The following TANGO6 variants were observed in gnomAD, a reference collection of about 807,000 sequenced individuals.
TANGO6 encodes the protein transport and Golgi organization protein 6 homolog.
In TANGO6, 90 loss-of-function variants were observed where a neutral mutation model predicts 114.2. That is an observed-to-expected ratio of 0.79 (90% confidence interval 0.66 to 0.94). TANGO6 has a LOEUF of 0.94. Among genes scored for constraint, TANGO6 ranks in the 40% least tolerant of loss-of-function variants. The pLI is 0.00. For synonymous variants in TANGO6, 477 were observed against 509.8 expected, an observed-to-expected ratio of 0.94 and a Z score of 0.87; for missense variants, 1,274 against 1,315.3, an observed-to-expected ratio of 0.97 and a Z score of 0.49.
At chr16:68,904,508 T>C (rs1962824227) in intron 9 of TANGO6, among the ~76,000 whole-genome samples, 1 of 152,200 alleles carries the variant, frequency 6.6e-6, no homozygotes, top group Non-Finnish European at 1.5e-5. Context: ...GTCCATGTTC[T>C]TAGTGAACTG....
intron 17 of TANGO6, among the ~76,000 whole-genome samples, chr16:69,065,177 TTGCCACCGCTGCTCC>T: frequency 6.6e-6 from 1 of 152,318 alleles, no homozygotes; most frequent in East Asian, 1.9e-4. Context: ...CTGAAACATT[TTGCCACCGCTGCTCC>T]TGCCACCACA....
At chr16:68,905,566 TAC>T (rs1375829052) in intron 9 of TANGO6, among the ~76,000 whole-genome samples, 1 of 150,722 alleles carries the variant, frequency 6.6e-6, no homozygotes, top group Non-Finnish European at 1.5e-5. Flanking sequence ...AAATAGTAAG[TAC>T]ACACACAGGT....
chr16:68,867,268 G>A (rs1962193531), intron 4 of TANGO6, 48 bp downstream of exon 4: 2 of 1,610,764 alleles, frequency 1.2e-6, no homozygotes, highest in African/African-American at 2.7e-5. Context: ...TTTCCTTTGA[G>A]TCAGAGTCTG....
intron 12 of TANGO6, among the ~76,000 whole-genome samples, chr16:68,926,614 G>A (rs1963170840): frequency 3.3e-5 from 5 of 151,508 alleles, no homozygotes; most frequent in Non-Finnish European, 7.4e-5. Context: ...TGCAACCTCT[G>A]CCTCCCGGGT....
chr16:68,919,054 TCA>T (rs1397920970), intron 11 of TANGO6, 29 bp from the exon 12 acceptor site: 1 of 1,594,798 alleles, frequency 6.3e-7, no homozygotes, highest in Non-Finnish European at 8.6e-7. Flanking sequence ...TTTTCATTCC[TCA>T]TTGATTCTCA....
intron 17 of TANGO6, among the ~76,000 whole-genome samples, chr16:69,070,166 C>T (rs1364524541): frequency 6.6e-6 from 1 of 151,420 alleles, no homozygotes; most frequent in African/African-American, 2.4e-5. Flanking sequence ...CGAGATCGTG[C>T]CACTGCACTC....
rs555356206 is a variant in TANGO6 at position 68,856,378 on chromosome 16, A to G, written c.95-3506A>G. Among the ~76,000 whole-genome samples, 81 of 152,262 alleles carry G rather than the reference A, an allele frequency of 5.3e-4. 1 individual carries two copies. The highest frequency in any genetic ancestry group is 1.9e-3 in the African/African-American group (79 of 41,472). ...GGGTTTTCTCCTTATACTGTTAATA[A>G]GATGAATCACACTGATTGAGTGTCA... On this transcript the variant is annotated intron_variant, in intron 1 of 17. Transcript: ENST00000261778.
chr16:68,900,694 C>A, intron 8 of TANGO6, 148 bp downstream of exon 8: 1 of 712,348 alleles, frequency 1.4e-6, no homozygotes, highest in Non-Finnish European at 2.3e-6. Flanking sequence ...TCCTATTTTG[C>A]TCATCTAGAA....
At chr16:69,046,890 T>C (rs1308403997) in intron 17 of TANGO6, among the ~76,000 whole-genome samples, 1 of 151,966 alleles carries the variant, frequency 6.6e-6, no homozygotes, top group Admixed American at 6.6e-5. Flanking sequence ...ATATGAGTGA[T>C]TTTAGGCCAG....
chr16:68,976,544 A>G lies in TANGO6; in HGVS notation c.2842+2376A>G, dbSNP rs537312942. On this transcript the variant is annotated intron_variant, in intron 15 of 17. Transcript: ENST00000261778. ...CCATAAGCCAGCAAGTACACTTTGA[A>G]TATTTTTATACTGGGCTATATAACA... is the stretch of plus-strand genomic sequence containing the variant. 2.0e-5 allele frequency among the ~76,000 whole-genome samples: 3 copies of G among 152,334 alleles called. No homozygotes were observed. In the East Asian group the frequency reaches 5.8e-4, roughly 29 times the overall value.
chr16:69,016,188 G>A (rs1299317450), intron 15 of TANGO6, among the ~76,000 whole-genome samples: 1 of 152,168 alleles, frequency 6.6e-6, no homozygotes, highest in Non-Finnish European at 1.5e-5. Context: ...ATTGTCCTCA[G>A]TACTGAGAAC....
At chr16:69,023,963 A>G (rs1408734804) in intron 16 of TANGO6, among the ~76,000 whole-genome samples, 2 of 152,118 alleles carry the variant, frequency 1.3e-5, no homozygotes, top group Non-Finnish European at 2.9e-5. Flanking sequence ...GCTGGAGTGC[A>G]GTGGCGCAAT....
chr16:68,933,731 G>A (rs1159100391), intron 14 of TANGO6: 1 of 152,214 alleles, frequency 6.6e-6, no homozygotes, highest in Non-Finnish European at 1.5e-5. Flanking sequence ...GTTGGCTAAA[G>A]CAAGTCATGA....
In TANGO6 at chr16:68,919,257, A is replaced by G. The variant is rs756461741; in HGVS notation, c.2127+38A>G. 6 of 1,602,888 alleles carry G rather than the reference A, an allele frequency of 3.7e-6. No individual in the cohort carries two copies. The Admixed American group carries it at 8.6e-5, about 23-fold the overall frequency. ...CATGAGGCAAGCTTGAATGGAGGGA[A>G]GGGAGAAGCGAAATACCAGTTGTTT... On this transcript the variant is annotated intron_variant, in intron 12 of 17. Transcript: ENST00000261778.
chr16:69,051,975 G>A (rs1270574310), intron 17 of TANGO6, among the ~76,000 whole-genome samples: 1 of 111,378 alleles, frequency 9.0e-6, no homozygotes, highest in Non-Finnish European at 1.7e-5. Flanking sequence ...ACACAGTCTT[G>A]CTCTGTCGAC....
chr16:69,020,900 A>ATGTGTGTGTGTGTGTG (rs764050755), intron 15 of TANGO6, among the ~76,000 whole-genome samples: 8 of 126,406 alleles, frequency 6.3e-5, no homozygotes, highest in African/African-American at 2.9e-4. Flanking sequence ...TTATATATGT[A>ATGTGTGTGTGTGTGTG]TGTATGTGTG....
intron 5 of TANGO6, among the ~76,000 whole-genome samples, chr16:68,877,311 T>TA (rs1260310703): frequency 2.6e-5 from 4 of 151,570 alleles, no homozygotes; most frequent in Non-Finnish European, 4.4e-5. Context: ...CTACTAAAAA[T>TA]ACAAAAATTA....
chr16:69,023,732 T>G (rs1471383271), intron 16 of TANGO6, among the ~76,000 whole-genome samples: 2 of 151,990 alleles, frequency 1.3e-5, no homozygotes, highest in Non-Finnish European at 2.9e-5. Context: ...GGGGATGGTG[T>G]TGTTTACCAA....
intron 14 of TANGO6, among the ~76,000 whole-genome samples, chr16:68,968,457 C>G (rs893029432): frequency 6.6e-6 from 1 of 151,418 alleles, no homozygotes; most frequent in African/African-American, 2.4e-5. Flanking sequence ...CTCCACCTCC[C>G]GGGTTCAAGT....
Sources: gnomAD v4.1 joint callset for allele counts (sites outside exome capture counted in the v4.1 genomes callset) on GRCh38, gnomAD v4.1.1 for gene constraint, MANE v1.5 for transcripts, NCBI Gene and HGNC (gene_info 2026-07-23, HGNC 2026-07-21) for gene names.